PKN2: variants seen among roughly 807,000 people sequenced by gnomAD.
PKN2 encodes the protein protein kinase N2, also known as serine/threonine-protein kinase N2.
Under a neutral mutation model 119.1 loss-of-function variants are expected in PKN2, and 38 were observed. That is an observed-to-expected ratio of 0.32 (90% CI 0.25 to 0.42). The LOEUF (loss-of-function observed/expected upper bound fraction) is 0.42. Among genes scored for constraint, PKN2 ranks in the 10% least tolerant of loss-of-function variants. The pLI is 1.00. For missense variants in PKN2, 850 were observed against 1,165.1 expected (o/e 0.73, Z 3.94); for synonymous variants, 390 against 384.9 (o/e 1.01, Z -0.15).
In PKN2 at chr1:88,763,434, C is replaced by T. The variant is rs1433482197; in HGVS notation, c.504+3058C>T. On this transcript the variant is annotated intron_variant, in intron 3 of 21. Transcript: ENST00000370521. ...ACCAGCCTGACCAACATGGAGAAAT[C>T]CTGTCTCTACTAAAAATACAAAATT... 2.0e-5 allele frequency among the ~76,000 whole-genome samples: 3 copies of T among 152,032 alleles called. No individual in the cohort carries two copies. The East Asian group carries it at 5.8e-4, about 29-fold the overall frequency.
intron 2 of PKN2, among the ~76,000 whole-genome samples, chr1:88,749,848 T>G (rs1668916862): frequency 6.6e-6 from 1 of 152,254 alleles, no homozygotes; most frequent in South Asian, 2.1e-4. Context: ...TTATTTCAGC[T>G]ATTAGTATAG....
intron 1 of PKN2, among the ~76,000 whole-genome samples, chr1:88,695,494 A>G (rs1363462155): frequency 1.3e-5 from 2 of 151,990 alleles, no homozygotes; most frequent in Non-Finnish European, 2.9e-5. Context: ...CTTAACTCTT[A>G]TTGACACCCA....
intron 1 of PKN2, among the ~76,000 whole-genome samples, chr1:88,732,141 A>G (rs1450535455): frequency 6.6e-6 from 1 of 152,214 alleles, no homozygotes; most frequent in Non-Finnish European, 1.5e-5. Context: ...TAGCAGATAT[A>G]ATGTAGTATA....
chr1:88,722,466 G>A (rs533956514), intron 1 of PKN2, among the ~76,000 whole-genome samples: 26 of 152,224 alleles, frequency 1.7e-4, no homozygotes, highest in Non-Finnish European at 3.4e-4. Flanking sequence ...GTGGAGATTG[G>A]ATTTGGATAT....
chr1:88,722,488 A>G (rs1025990595), intron 1 of PKN2, among the ~76,000 whole-genome samples: 10 of 152,238 alleles, frequency 6.6e-5, no homozygotes, highest in African/African-American at 2.4e-4. Context: ...AGGGATTGCT[A>G]TTTCTCCCAT....
chr1:88,754,713 T>G (rs1669133569), intron 2 of PKN2, among the ~76,000 whole-genome samples: 1 of 152,206 alleles, frequency 6.6e-6, no homozygotes, highest in Non-Finnish European at 1.5e-5. Flanking sequence ...GGTGGAGGAA[T>G]TAGTCTTGTC....
chr1:88,721,399 G>A (rs1667676797), intron 1 of PKN2, among the ~76,000 whole-genome samples: 1 of 151,926 alleles, frequency 6.6e-6, no homozygotes, highest in South Asian at 2.1e-4. Flanking sequence ...AAATTATATT[G>A]GTTAGTAATA....
chr1:88,728,963 C>T (rs940457696), intron 1 of PKN2, among the ~76,000 whole-genome samples: 3 of 149,298 alleles, frequency 2.0e-5, no homozygotes, highest in African/African-American at 5.0e-5. Context: ...GACACGATCT[C>T]GGCTCACCAC....
At chr1:88,754,893 T>C (rs1669140098) in intron 2 of PKN2, among the ~76,000 whole-genome samples, 1 of 152,196 alleles carries the variant, frequency 6.6e-6, no homozygotes. Context: ...ATAACATACA[T>C]TTTGAATTGT....
intron 1 of PKN2, among the ~76,000 whole-genome samples, chr1:88,687,651 C>A (rs951703587): frequency 6.6e-6 from 1 of 152,092 alleles, no homozygotes. Flanking sequence ...AAGTGTTGGT[C>A]TGGGAATCTT....
At chr1:88,758,238 T>C (rs1363834547) in intron 2 of PKN2, among the ~76,000 whole-genome samples, 1 of 152,126 alleles carries the variant, frequency 6.6e-6, no homozygotes, top group Non-Finnish European at 1.5e-5. Context: ...TTTATTTTAC[T>C]CTAGGACAAA....
At chr1:88,734,139 A>G (rs959812279) in intron 1 of PKN2, among the ~76,000 whole-genome samples, 11 of 151,778 alleles carry the variant, frequency 7.2e-5, no homozygotes, top group Non-Finnish European at 1.3e-4. Context: ...AGCCTGGGTA[A>G]CAGAGTGAGA....
Position 88,813,629 on chromosome 1 carries a change from A to C in PKN2, c.2175A>C (p.Ala725=). ...ATCCCTTTTTGGTGAACCTTTTTGC[A>C]TGTTTCCAAACCAAAGAGCATGTTT... ...VRHPFLVNLF[A]CFQTKEHVCF... Residue 725 remains alanine (A), a synonymous_variant, in exon 16 of 22, where the codon GCA becomes GCC. Transcript: ENST00000370521. 6.2e-7 allele frequency: 1 copy of C among 1,610,056 alleles called. No individual in the cohort carries two copies. The highest frequency in any genetic ancestry group is 8.5e-7 in the Non-Finnish European group (1 of 1,178,698).
rs942488599 is a variant in PKN2 at position 88,834,313 on chromosome 1, C to T, written c.*865C>T. ...TACCCTTTTTTTGGTATTCACTCTA[C>T]ATCTGCCAACCTAGTTCACCTTGGT... On this transcript the variant is annotated 3_prime_UTR_variant, in exon 22 of 22. Coordinates refer to ENST00000370521, the MANE Select transcript of PKN2 (RefSeq NM_006256.4). The T allele has an allele frequency of 6.6e-6, 1 of 152,456 alleles. No homozygotes were observed. 9.4% of individuals were successfully genotyped at this position (152,456 alleles called of 1,614,324 possible).
At chr1:88,711,815 A>G (rs1288729530) in intron 1 of PKN2, among the ~76,000 whole-genome samples, 1 of 152,074 alleles carries the variant, frequency 6.6e-6, no homozygotes. Flanking sequence ...TCAAAATTTC[A>G]GGAGGAAGGA....
chr1:88,798,437 G>T (rs2100858860), intron 8 of PKN2, among the ~76,000 whole-genome samples: 1 of 152,014 alleles, frequency 6.6e-6, no homozygotes, highest in East Asian at 1.9e-4. Context: ...AATAATTATG[G>T]GGGAAACGTG....
intron 6 of PKN2, among the ~76,000 whole-genome samples, chr1:88,782,248 A>G (rs1213732245): frequency 3.3e-5 from 5 of 151,932 alleles, no homozygotes; most frequent in Non-Finnish European, 7.4e-5. Context: ...TTTCTTGTTC[A>G]CGACTTGTTT....
At chr1:88,802,481 C>A (rs575991364) in intron 8 of PKN2, among the ~76,000 whole-genome samples, 20 of 152,206 alleles carry the variant, frequency 1.3e-4, no homozygotes, top group Non-Finnish European at 2.2e-4. Context: ...GCGTGCACCA[C>A]GCCCGGCTAA....
chr1:88,802,387 A>G (rs1291466597), intron 8 of PKN2, among the ~76,000 whole-genome samples: 1 of 151,220 alleles, frequency 6.6e-6, no homozygotes, highest in Non-Finnish European at 1.5e-5. Context: ...GTGTAGTGGC[A>G]TGATCTTGGC....
Sources: gnomAD v4.1 joint callset for allele counts (sites outside exome capture counted in the v4.1 genomes callset) on GRCh38, gnomAD v4.1.1 for gene constraint, MANE v1.5 for transcripts, NCBI Gene and HGNC (gene_info 2026-07-23, HGNC 2026-07-21) for gene names.